CTNNAL1: variants seen among roughly 807,000 people sequenced by gnomAD.
CTNNAL1 encodes the protein catenin alpha like 1.
In CTNNAL1, 69 loss-of-function variants were observed where a neutral mutation model predicts 93.6. That is an observed-to-expected ratio of 0.74 (90% CI 0.61 to 0.90). The LOEUF (loss-of-function observed/expected upper bound fraction) is 0.90. CTNNAL1 is among the 40% of genes least tolerant of loss of function. CTNNAL1 has a pLI of 0.00. For synonymous variants in CTNNAL1, 286 were observed against 305.4 expected (o/e 0.94, Z 0.66); for missense variants, 836 against 862.0 (o/e 0.97, Z 0.38).
At chr9:109,010,033 T>A (rs114303188) in intron 1 of CTNNAL1, among the ~76,000 whole-genome samples, 2,792 of 152,228 alleles carry the variant, frequency 0.018, 87 homozygotes, top group African/African-American at 0.065. Flanking sequence ...TATTTTTTTT[T>A]ATTATTTTTT....
At chr9:108,999,749 G>A (rs923788415) in intron 1 of CTNNAL1, among the ~76,000 whole-genome samples, 1 of 152,100 alleles carries the variant, frequency 6.6e-6, no homozygotes, top group Non-Finnish European at 1.5e-5. Context: ...AGATACTTTA[G>A]AATGAGCATT....
At chr9:108,998,727 T>C (rs556074411) in intron 2 of CTNNAL1, among the ~76,000 whole-genome samples, 1 of 152,214 alleles carries the variant, frequency 6.6e-6, no homozygotes, top group South Asian at 2.1e-4. Context: ...TACTAATGGA[T>C]ACTAATGCTT....
At chr9:109,002,264 C>T (rs1215736753) in intron 1 of CTNNAL1, among the ~76,000 whole-genome samples, 2 of 152,154 alleles carry the variant, frequency 1.3e-5, no homozygotes, top group African/African-American at 4.8e-5. Context: ...TCCCTGAAGC[C>T]TCTTTTATAA....
intron 2 of CTNNAL1, among the ~76,000 whole-genome samples, chr9:108,995,810 C>G (rs1443709741): frequency 6.6e-6 from 1 of 152,032 alleles, no homozygotes; most frequent in Non-Finnish European, 1.5e-5. Flanking sequence ...ATGATAGATG[C>G]ATTATATCAA....
chr9:108,971,089 A>AGTT (rs1419754814), intron 9 of CTNNAL1, among the ~76,000 whole-genome samples: 4 of 152,206 alleles, frequency 2.6e-5, no homozygotes, highest in African/African-American at 4.8e-5. Context: ...GTTTCCCTAT[A>AGTT]GTTATAATAT....
chr9:109,011,709 A>T (rs1827207516), intron 1 of CTNNAL1, among the ~76,000 whole-genome samples: 1 of 152,214 alleles, frequency 6.6e-6, no homozygotes, highest in South Asian at 2.1e-4. Flanking sequence ...CCAGTTTGGC[A>T]CTTATTGAAA....
intron 10 of CTNNAL1, among the ~76,000 whole-genome samples, chr9:108,966,707 T>C (rs547122644): frequency 6.8e-6 from 1 of 146,290 alleles, no homozygotes; most frequent in African/African-American, 2.5e-5. Flanking sequence ...TTTTATTTAG[T>C]GTTAGCTACT....
chr9:108,984,435 T>C lies in CTNNAL1; in HGVS notation c.641A>G (p.Asp214Gly). ...TGCCTTTTTCTTTTCATCTTTCAAA[T>C]CCTAAATATGAAATAAAATCACGGA... ...FAHLSGDRQN[D>G]LKDEKKKAKM... The change falls in exon 5 of 19, where the codon GAT becomes GGT. Residue 214 changes from aspartate (D) to glycine (G), a missense_variant and splice_region_variant. Transcript: ENST00000325551. 6.3e-7 allele frequency: 1 copy of C among 1,586,490 alleles called. No homozygotes were observed. Among genetic ancestry groups the C allele is most frequent in the Non-Finnish European group, 8.7e-7 (1 of 1,155,720 alleles).
chr9:109,003,525 A>G (rs1001078067), intron 1 of CTNNAL1, among the ~76,000 whole-genome samples: 6 of 152,224 alleles, frequency 3.9e-5, no homozygotes, highest in African/African-American at 1.2e-4. Flanking sequence ...AGAGCCATGA[A>G]CTATTCCCAG....
At position 108,979,265 on chromosome 9, in the gene CTNNAL1, TA is replaced by T. The variant is rs778508560; in HGVS notation, c.1101+15del. 122 of 1,613,502 alleles carry T rather than the reference TA, an allele frequency of 7.6e-5. No individual in the cohort carries two copies. Among genetic ancestry groups the T allele is most frequent in the Non-Finnish European group, 9.5e-5 (112 of 1,179,878 alleles). On this transcript the variant is annotated intron_variant, in intron 7 of 18. Coordinates refer to ENST00000325551, the MANE Select transcript of CTNNAL1 (RefSeq NM_003798.4). Reference sequence around the variant, plus strand: ...CATTATATAAGATTTACTTTGATTTTAAAAAAAGTTCTTACAGCTTGAATCC... The same window carrying T: ...CATTATATAAGATTTACTTTGATTTTAAAAAAGTTCTTACAGCTTGAATCC...
chr9:109,007,998 T>C (rs1203815658), intron 1 of CTNNAL1, among the ~76,000 whole-genome samples: 6 of 152,134 alleles, frequency 3.9e-5, no homozygotes, highest in Non-Finnish European at 7.3e-5. Flanking sequence ...CATTGATAAT[T>C]ATAGCTGTGG....
At chr9:108,951,762 T>A (rs1271282998) in intron 14 of CTNNAL1, among the ~76,000 whole-genome samples, 1 of 152,210 alleles carries the variant, frequency 6.6e-6, no homozygotes, top group Non-Finnish European at 1.5e-5. Context: ...ATTCTCTACA[T>A]AATGAATGGT....
At chr9:108,970,978 A>G (rs1831100121) in intron 9 of CTNNAL1, among the ~76,000 whole-genome samples, 1 of 152,226 alleles carries the variant, frequency 6.6e-6, no homozygotes, top group African/African-American at 2.4e-5. Context: ...ACCCTATATC[A>G]GAGGAAATTA....
chr9:108,952,357 C>T lies in CTNNAL1; in HGVS notation c.1687G>A (p.Ala563Thr), dbSNP rs1253008256. ...KPDKPDSEEQ[A>T]KIAKLGLKLG... is the part of the protein sequence containing the mutation. ...TTAAGTCCAAGCTTTGCTATCTTGG[C>T]TTGCTCCTATGAAACAGACGTTTTA... The change falls in exon 14 of 19, where the codon GCC becomes ACC. Residue 563 changes from alanine to threonine, a missense_variant. By Grantham distance (58) the Ala-to-Thr change is moderately conservative (BLOSUM62 0). Coordinates refer to ENST00000325551, the MANE Select transcript of CTNNAL1 (RefSeq NM_003798.4). 6.2e-7 allele frequency: 1 copy of T among 1,614,140 alleles called. No homozygotes were observed. The highest frequency in any genetic ancestry group is 8.5e-7 in the Non-Finnish European group (1 of 1,180,020).
At chr9:108,948,527 A>G (rs1436264208) in intron 14 of CTNNAL1, among the ~76,000 whole-genome samples, 2 of 152,188 alleles carry the variant, frequency 1.3e-5, no homozygotes, top group Admixed American at 6.5e-5. Context: ...ATTTTACTTC[A>G]TAAATTAAAT....
rs747584450 is a variant in CTNNAL1 at position 108,942,816 on chromosome 9, C to T, written c.2158G>A (p.Gly720Arg). The T allele has an allele frequency of 1.2e-5, 20 of 1,613,426 alleles. No homozygotes were observed. In the Admixed American group the frequency reaches 1.5e-4, roughly 12 times the overall value. The part of the protein sequence containing the change: ...LLKKLQMENN[G>R]WVSVTNKDTM... ...TCCTTATTTGTAACTGAGACCCATC[C>T]GTTATTTTCCATCTGAAGCTGGAAA... Residue 720 changes from glycine to arginine, a missense_variant, in exon 19 of 19, where the codon GGA (glycine) becomes AGA (arginine). Coordinates refer to ENST00000325551, the MANE Select transcript of CTNNAL1 (RefSeq NM_003798.4).
intron 1 of CTNNAL1, among the ~76,000 whole-genome samples, chr9:109,004,772 C>G (rs147374747): frequency 6.6e-6 from 1 of 150,728 alleles, no homozygotes; most frequent in Non-Finnish European, 1.5e-5. Flanking sequence ...GGTGACAGAG[C>G]GAGACTCTGT....
chr9:108,972,865 A>ACCCC, intron 8 of CTNNAL1, 32 bp from the exon 9 acceptor site: 4 of 219,274 alleles, frequency 1.8e-5, no homozygotes, highest in Non-Finnish European at 1.9e-5. Context: ...GGGGGGTGGG[A>ACCCC]GGGTGGAGAA....
At position 109,013,374 on chromosome 9, in the gene CTNNAL1, G is replaced by A. The variant is rs751645684; in HGVS notation, c.69C>T (p.Gly23=). The A allele has an allele frequency of 7.9e-6, 12 of 1,513,304 alleles. No homozygotes were observed. The South Asian group carries it at 1.5e-4, about 19-fold the overall frequency. 93.7% of individuals were successfully genotyped at this position (1,513,304 alleles called of 1,614,324 possible). Reference sequence around the variant, plus strand: ...TCTCCAGTCCCGAGTCGAGGGCGAAGCCCGAAGAGCCGGAGCCGTAGACTG... The same window carrying A: ...TCTCCAGTCCCGAGTCGAGGGCGAAACCCGAAGAGCCGGAGCCGTAGACTG... ...AGAVYGSGSS[G]FALDSGLEIK... is the part of the protein sequence containing the mutation. Residue 23 remains glycine, a synonymous_variant, in exon 1 of 19, where the codon GGC becomes GGT. Transcript: ENST00000325551.
Sources: gnomAD v4.1 joint callset for allele counts (sites outside exome capture counted in the v4.1 genomes callset) on GRCh38, gnomAD v4.1.1 for gene constraint, MANE v1.5 for transcripts, NCBI Gene and HGNC (gene_info 2026-07-23, HGNC 2026-07-21) for gene names.